FBXL17: variants seen among roughly 807,000 people sequenced by gnomAD.
FBXL17 encodes F-box and leucine rich repeat protein 17, also known as F-box/LRR-repeat protein 17.
In FBXL17, 22 loss-of-function variants were observed where a neutral mutation model predicts 66.2. The observed-to-expected ratio is 0.33, with a 90% CI of 0.24 to 0.47. The LOEUF (loss-of-function observed/expected upper bound fraction) is 0.47. Among genes scored for constraint, FBXL17 ranks in the 20% least tolerant of loss-of-function variants. The pLI, the probability that FBXL17 is intolerant of heterozygous loss-of-function variation, is 1.00. For missense variants in FBXL17, 878 were observed against 948.2 expected (o/e 0.93, Z 0.97); for synonymous variants, 474 against 400.5 (o/e 1.18, Z -2.19).
At chr5:108,219,657 C>A (rs1754765345) in intron 5 of FBXL17, among the ~76,000 whole-genome samples, 1 of 151,846 alleles carries the variant, frequency 6.6e-6, no homozygotes, top group South Asian at 2.1e-4. Context: ...ACACTCCAGC[C>A]TGGGCAACAA....
chr5:108,055,443 C>G (rs183775690), intron 6 of FBXL17, among the ~76,000 whole-genome samples: 1 of 150,718 alleles, frequency 6.6e-6, no homozygotes, highest in Admixed American at 6.6e-5. Context: ...TCCGTCTCTA[C>G]TAACAAATAC....
intron 6 of FBXL17, among the ~76,000 whole-genome samples, chr5:108,171,895 C>A (rs1250252922): frequency 6.6e-6 from 1 of 152,112 alleles, no homozygotes; most frequent in African/African-American, 2.4e-5. Context: ...GTAAGTCTCA[C>A]AAGATCTGAT....
At chr5:107,901,648 C>G (rs7720097) in intron 7 of FBXL17, among the ~76,000 whole-genome samples, 119,069 of 152,156 alleles carry the variant, frequency 0.78, 46,958 homozygotes, top group Middle Eastern at 0.82. Flanking sequence ...TGCACTTGCT[C>G]CCTTTCTGTA....
intron 6 of FBXL17, among the ~76,000 whole-genome samples, chr5:108,045,901 C>A (rs746516496): frequency 6.6e-6 from 1 of 151,976 alleles, no homozygotes; most frequent in Non-Finnish European, 1.5e-5. Context: ...TTGGCATGTG[C>A]GACATGGTTA....
In FBXL17 at chr5:108,270,032, A is replaced by G. The variant is rs1049355978; in HGVS notation, c.1507-45804T>C. Among the ~76,000 whole-genome samples the G allele has an allele frequency of 1.9e-4, 29 of 152,132 alleles. 1 individual carries two copies. The highest frequency in any genetic ancestry group is 1.5e-5 in the Non-Finnish European group (1 of 67,978). On this transcript the variant is annotated intron_variant, in intron 4 of 8. Transcript: ENST00000542267. ...AACAAAACAAAAAGCAGCCAAACCAAGTATCAAAGCTAAAAGGTCTTCTCA... is the reference window on the plus strand; with the variant it reads ...AACAAAACAAAAAGCAGCCAAACCAGGTATCAAAGCTAAAAGGTCTTCTCA...
At chr5:108,326,562 C>T (rs549461359) in intron 4 of FBXL17, among the ~76,000 whole-genome samples, 1 of 152,234 alleles carries the variant, frequency 6.6e-6, no homozygotes, top group Non-Finnish European at 1.5e-5. Flanking sequence ...AAGAACCTGA[C>T]ACTGCACTCC....
chr5:107,859,960 G>A lies in FBXL17; in HGVS notation c.*1760C>T, dbSNP rs1748077282. 6.6e-6 allele frequency: 1 copy of A among 152,096 alleles called. No homozygotes were observed. The highest frequency in any genetic ancestry group is 2.4e-5 in the African/African-American group (1 of 41,438). The allele number at this position is 152,096 out of a possible 1,614,324, so 9.4% of individuals were successfully genotyped here. ...AAATATAGTTTATTAATGTTAAACA[G>A]CTTTTTTCTTACACAAATTTTATTC... On this transcript the variant is annotated 3_prime_UTR_variant, in exon 9 of 9. Coordinates refer to ENST00000542267, the MANE Select transcript of FBXL17 (RefSeq NM_001163315.3).
At chr5:108,142,405 G>A (rs983553444) in intron 6 of FBXL17, among the ~76,000 whole-genome samples, 2 of 152,104 alleles carry the variant, frequency 1.3e-5, no homozygotes, top group African/African-American at 2.4e-5. Context: ...AATCTGTACA[G>A]ACCCAAAATA....
intron 4 of FBXL17, among the ~76,000 whole-genome samples, chr5:108,295,964 CA>C (rs60118717): frequency 0.023 from 2,619 of 111,602 alleles, 66 homozygotes; most frequent in African/African-American, 0.07. Context: ...TAAACAAAAC[CA>C]AAAAAAAAAA....
chr5:108,047,147 A>C (rs966670057), intron 6 of FBXL17, among the ~76,000 whole-genome samples: 2 of 152,210 alleles, frequency 1.3e-5, no homozygotes, highest in Admixed American at 1.3e-4. Flanking sequence ...CTGACTAGCC[A>C]GCTGGCGTGA....
chr5:108,282,366 G>A (rs984038257), intron 4 of FBXL17, among the ~76,000 whole-genome samples: 2 of 151,728 alleles, frequency 1.3e-5, no homozygotes, highest in Non-Finnish European at 3.0e-5. Flanking sequence ...TTCAACATTT[G>A]CAAATCAATA....
chr5:108,236,219 ACAAG>A (rs1013449716), intron 4 of FBXL17, among the ~76,000 whole-genome samples: 2 of 151,904 alleles, frequency 1.3e-5, no homozygotes, highest in African/African-American at 2.4e-5. Context: ...CTTAAAAAAA[ACAAG>A]CAAACAGGCC....
At chr5:108,163,399 CTTTTTTTTTTT>C (rs764052812) in intron 6 of FBXL17, among the ~76,000 whole-genome samples, 5 of 129,540 alleles carry the variant, frequency 3.9e-5, no homozygotes, top group Non-Finnish European at 6.2e-5. Context: ...TTTTTTTTTT[CTTTTTTTTTTT>C]TTTTTTTTGA....
At chr5:108,380,238 C>T (rs980034751) in intron 1 of FBXL17, among the ~76,000 whole-genome samples, 31 of 152,286 alleles carry the variant, frequency 2.0e-4, no homozygotes, top group African/African-American at 7.2e-4. Flanking sequence ...TATATAAAGT[C>T]TGGCGCAGTG....
chr5:107,916,658 C>G (rs770409142), intron 7 of FBXL17, among the ~76,000 whole-genome samples: 4 of 152,070 alleles, frequency 2.6e-5, no homozygotes, highest in Non-Finnish European at 5.9e-5. Flanking sequence ...AAATATATTT[C>G]TTCTTTCTTA....
chr5:107,876,519 A>G (rs909496349), intron 8 of FBXL17, among the ~76,000 whole-genome samples: 20 of 152,100 alleles, frequency 1.3e-4, no homozygotes, highest in African/African-American at 4.8e-4. Flanking sequence ...ATTAACACAC[A>G]CTGCAGAGGT....
chr5:108,139,512 G>C (rs960201080), intron 6 of FBXL17, among the ~76,000 whole-genome samples: 2 of 152,160 alleles, frequency 1.3e-5, no homozygotes, highest in Non-Finnish European at 2.9e-5. Flanking sequence ...CAAATTTATA[G>C]TTTCCAAGCT....
chr5:107,981,430 T>C (rs1317626348), intron 7 of FBXL17, among the ~76,000 whole-genome samples: 2 of 152,220 alleles, frequency 1.3e-5, no homozygotes, highest in African/African-American at 4.8e-5. Context: ...CTCCTCTCCA[T>C]TTCCACAGCA....
chr5:108,245,078 G>T (rs1756032572), intron 4 of FBXL17, among the ~76,000 whole-genome samples: 1 of 152,026 alleles, frequency 6.6e-6, no homozygotes, highest in African/African-American at 2.4e-5. Flanking sequence ...ATATCAGGAA[G>T]GTTTCCACTA....
Sources: gnomAD v4.1 joint callset for allele counts (sites outside exome capture counted in the v4.1 genomes callset) on GRCh38, gnomAD v4.1.1 for gene constraint, MANE v1.5 for transcripts, NCBI Gene and HGNC (gene_info 2026-07-23, HGNC 2026-07-21) for gene names.